Variants in ERGIC2 observed in about 807,000 individuals in gnomAD.
The protein encoded by ERGIC2 is ERGIC and golgi 2.
In ERGIC2, 31 loss-of-function variants were observed where a neutral mutation model predicts 52.5. The observed-to-expected ratio is 0.59, with a 90% CI of 0.44 to 0.80. The LOEUF (loss-of-function observed/expected upper bound fraction) is 0.80. Ranked by LOEUF, ERGIC2 falls within the 30% of genes least tolerant of loss-of-function variation. The pLI, the probability that ERGIC2 is intolerant of heterozygous loss-of-function variation, is 0.00. For synonymous variants in ERGIC2, 129 were observed against 140.6 expected (o/e 0.92, Z 0.58); for missense variants, 395 against 455.2 (o/e 0.87, Z 1.20).
chr12:29,345,285 T>C (rs991647308), intron 11 of ERGIC2, among the ~76,000 whole-genome samples, 158 bp downstream of exon 11: 1 of 152,254 alleles, frequency 6.6e-6, no homozygotes, highest in African/African-American at 2.4e-5. Flanking sequence ...GACATATTTC[T>C]GATTTAAAAT....
intron 2 of ERGIC2, 48 bp downstream of exon 2, chr12:29,371,480 G>C (rs375487790): frequency 3.3e-6 from 4 of 1,202,068 alleles, no homozygotes; most frequent in Non-Finnish European, 4.7e-6. Flanking sequence ...ACTGGATCAC[G>C]CAGAAGTTGT....
At chr12:29,378,751 A>G (rs1406774564) in intron 1 of ERGIC2, among the ~76,000 whole-genome samples, 2 of 152,182 alleles carry the variant, frequency 1.3e-5, no homozygotes, top group Non-Finnish European at 2.9e-5. Context: ...CAAGGAAGAC[A>G]ATATAAATGT....
intron 8 of ERGIC2, among the ~76,000 whole-genome samples, chr12:29,353,857 C>T (rs1940167664): frequency 6.6e-6 from 1 of 151,924 alleles, no homozygotes; most frequent in Non-Finnish European, 1.5e-5. Flanking sequence ...TTATCTGACA[C>T]TTGTTAAAAC....
At chr12:29,354,593 A>T (rs1324506446) in intron 8 of ERGIC2, among the ~76,000 whole-genome samples, 3 of 152,208 alleles carry the variant, frequency 2.0e-5, no homozygotes, top group African/African-American at 7.2e-5. Flanking sequence ...AAAAAGATCA[A>T]TATTGAACTT....
At chr12:29,377,606 C>A (rs1475873708) in intron 1 of ERGIC2, among the ~76,000 whole-genome samples, 1 of 152,198 alleles carries the variant, frequency 6.6e-6, no homozygotes, top group African/African-American at 2.4e-5. Flanking sequence ...TATTTTCAAT[C>A]TGCAACTGGT....
intron 12 of ERGIC2, 54 bp from the exon 13 acceptor site, chr12:29,341,870 G>C: frequency 1.1e-6 from 1 of 869,870 alleles, no homozygotes; most frequent in Non-Finnish European, 1.9e-6. Flanking sequence ...TGTTATTTAA[G>C]AATAAATAAC....
At chr12:29,357,484 G>A in intron 7 of ERGIC2, 139 bp downstream of exon 7, 1 of 529,788 alleles carries the variant, frequency 1.9e-6, no homozygotes, top group Non-Finnish European at 3.3e-6. Context: ...AGAGCAAAAG[G>A]CGTCTTTATA....
At chr12:29,344,344 C>G (rs970574620) in intron 11 of ERGIC2, among the ~76,000 whole-genome samples, 3 of 152,162 alleles carry the variant, frequency 2.0e-5, no homozygotes, top group African/African-American at 7.2e-5. Flanking sequence ...CTACCTTCCT[C>G]AAAGATTATG....
At chr12:29,357,249 C>T (rs368928104) in intron 7 of ERGIC2, among the ~76,000 whole-genome samples, 4 of 152,112 alleles carry the variant, frequency 2.6e-5, no homozygotes, top group African/African-American at 7.2e-5. Context: ...GGATTACAGA[C>T]GTGAGCCACT....
chr12:29,343,401 C>T (rs1040982106), intron 11 of ERGIC2, 119 bp from the exon 12 acceptor site: 2 of 635,346 alleles, frequency 3.1e-6, no homozygotes, highest in African/African-American at 3.7e-5. Context: ...AAAAGAAGGA[C>T]ATCCACATTT....
rs1949823366 is a variant in ERGIC2, at chr12:29,339,647, TTC to T, written c.*1507_*1508del. On this transcript the variant is annotated 3_prime_UTR_variant, in exon 14 of 14. Coordinates refer to ENST00000360150, the MANE Select transcript of ERGIC2 (RefSeq NM_016570.3). ...AATGATATATTTTTTAAAGTGATGCTTCTGTTATTTTCTGCAAAACGTCATTC... is the reference window on the plus strand; with the variant it reads ...AATGATATATTTTTTAAAGTGATGCTTGTTATTTTCTGCAAAACGTCATTC... 6.6e-6 allele frequency: 1 copy of T among 152,320 alleles called. No individual in the cohort carries two copies. The highest frequency in any genetic ancestry group is 6.5e-5 in the Admixed American group (1 of 15,294). 9.4% of individuals were successfully genotyped at this position (152,320 alleles called of 1,614,324 possible).
chr12:29,372,567 T>C (rs1338319775), intron 1 of ERGIC2: 1 of 152,212 alleles, frequency 6.6e-6, no homozygotes, highest in African/African-American at 2.4e-5. Context: ...TCTCACAGTG[T>C]TATTTTTAAA....
rs373062905 is a variant in ERGIC2, at chr12:29,357,771, G to C, written c.375-47C>G. Reference sequence around the variant, plus strand: ...AGAACTACAGAAAGGTACACAAAGAGAGCTGACACTTATTCAAAAATGACA... The same window carrying C: ...AGAACTACAGAAAGGTACACAAAGACAGCTGACACTTATTCAAAAATGACA... On this transcript the variant is annotated intron_variant, in intron 6 of 13. Coordinates refer to ENST00000360150, the MANE Select transcript of ERGIC2 (RefSeq NM_016570.3). The C allele has an allele frequency of 2.6e-5, 26 of 1,006,874 alleles. 1 individual carries two copies. The highest frequency in any genetic ancestry group is 3.9e-5 in the Non-Finnish European group (25 of 639,954). The allele number at this position is 1,006,874 out of a possible 1,614,324, so 62.4% of individuals were successfully genotyped here.
intron 4 of ERGIC2, 97 bp downstream of exon 4, chr12:29,368,144 A>G: frequency 1.3e-6 from 1 of 761,910 alleles, no homozygotes; most frequent in Non-Finnish European, 2.3e-6. Flanking sequence ...AATATTATAA[A>G]GGAAAAATAA....
Position 29,366,961 on chromosome 12 carries a change from A to C in ERGIC2, c.263-14T>G. ...CCGCTCCAACATCTGCATAGAAAAA[A>C]GAATTAGAAGTTTTACATTCTATGC... On this transcript the variant is annotated splice_polypyrimidine_tract_variant and intron_variant, in intron 4 of 13. Coordinates refer to ENST00000360150, the MANE Select transcript of ERGIC2 (RefSeq NM_016570.3). The C allele has an allele frequency of 6.4e-7, 1 of 1,567,778 alleles. No individual in the cohort carries two copies. The highest frequency in any genetic ancestry group is 1.2e-5 in the South Asian group (1 of 85,864).
rs567180185 is a variant in ERGIC2 at position 29,374,296 on chromosome 12, C to T, written c.-37-2626G>A. ...TTATCACTTCTTTTTCTTCTCGAAA[C>T]ATTCTCTTACCTTGACTTAAGTGAT... On this transcript the variant is annotated intron_variant, in intron 1 of 13. Transcript: ENST00000360150. Among the ~76,000 whole-genome samples, 4 of 152,268 alleles carry T rather than the reference C, an allele frequency of 2.6e-5. No individual in the cohort carries two copies. The South Asian group carries it at 8.3e-4, about 32-fold the overall frequency.
chr12:29,345,546 A>G lies in ERGIC2; in HGVS notation c.728-6T>C. On this transcript the variant is annotated splice_region_variant and splice_polypyrimidine_tract_variant and intron_variant, in intron 10 of 13. Transcript: ENST00000360150. Reference sequence around the variant, plus strand: ...ATATTGGAACATCTGGTTGTCTAGAATACAAAAAAAACTTTTTATCAATTC... The same window carrying G: ...ATATTGGAACATCTGGTTGTCTAGAGTACAAAAAAAACTTTTTATCAATTC... 4 of 1,495,832 alleles carry G rather than the reference A, an allele frequency of 2.7e-6. No individual in the cohort carries two copies. The highest frequency in any genetic ancestry group is 2.8e-6 in the Non-Finnish European group (3 of 1,078,292). The allele number at this position is 1,495,832 out of a possible 1,614,324, so 92.7% of individuals were successfully genotyped here. A position where few individuals can be genotyped will look rare whatever the true frequency, so the allele number is the denominator to read the frequency against.
chr12:29,364,264 T>TC (rs1940327244), intron 5 of ERGIC2, among the ~76,000 whole-genome samples: 1 of 151,086 alleles, frequency 6.6e-6, no homozygotes, highest in South Asian at 2.1e-4. Context: ...TCTCAAAAAG[T>TC]CCCCCCTCAA....
chr12:29,348,698 T>C (rs544898625), intron 10 of ERGIC2, among the ~76,000 whole-genome samples: 12 of 152,128 alleles, frequency 7.9e-5, no homozygotes, highest in African/African-American at 2.9e-4. Flanking sequence ...TTTGAACCTA[T>C]ATTATACAAA....
Sources: allele counts gnomAD v4.1 joint callset (sites outside exome capture counted in the v4.1 genomes callset), GRCh38; gene constraint gnomAD v4.1.1; transcripts MANE v1.5; gene names NCBI Gene and HGNC (gene_info 2026-07-23, HGNC 2026-07-21).